The following SHROOM4 variants were observed in gnomAD, a reference collection of about 807,000 sequenced individuals.
The protein encoded by SHROOM4 is shroom family member 4.
Under a neutral mutation model 80.3 loss-of-function variants are expected in SHROOM4, and 17 were observed. The observed-to-expected ratio is 0.21, with a 90% CI of 0.14 to 0.32. SHROOM4 has a LOEUF of 0.32. Ranked by LOEUF, SHROOM4 falls within the 10% of genes least tolerant of loss-of-function variation. The pLI, the probability that SHROOM4 is intolerant of heterozygous loss-of-function variation, is 1.00. For synonymous variants in SHROOM4, 400 were observed against 437.5 expected (o/e 0.91, Z 1.07); for missense variants, 993 against 1,140.3 (o/e 0.87, Z 1.86).
intron 1 of SHROOM4, among the ~76,000 whole-genome samples, chrX:50,727,055 C>G (rs1371620522): frequency 8.8e-6 from 1 of 113,316 alleles, no homozygotes; most frequent in African/African-American, 3.2e-5. Context: ...GCCCCTCCTG[C>G]ATCACTATGC....
chrX:50,666,836 T>G (rs1932706803), intron 2 of SHROOM4, among the ~76,000 whole-genome samples: 2 of 110,602 alleles, frequency 1.8e-5, no homozygotes. Flanking sequence ...GCAGGTGATG[T>G]TCTACTCTTT....
At chrX:50,796,196 T>C (rs1235320355) in intron 1 of SHROOM4, among the ~76,000 whole-genome samples, 2 of 112,018 alleles carry the variant, frequency 1.8e-5, no homozygotes, top group Non-Finnish European at 3.8e-5. Context: ...TCTCCATCAA[T>C]GGAAGCATTC....
intron 1 of SHROOM4, among the ~76,000 whole-genome samples, chrX:50,741,743 G>A (rs1309486080): frequency 9.0e-6 from 1 of 110,620 alleles, no homozygotes; most frequent in Non-Finnish European, 1.9e-5. Context: ...GATTTTAATA[G>A]ATGCTCTTTA....
rs781981612 is a variant in SHROOM4, at chrX:50,634,484, G to A, written c.1589C>T (p.Ser530Phe). ...CGTGGCTTGTTGAACAAGGGAGCCA[G>A]AGGCAGAGGGTTGCTGGTTGGCCAA... ...SELANQQPSA[S>F]GSLVQQATDC... The change falls in exon 4 of 9, where the codon TCT becomes TTT. Residue 530 changes from serine to phenylalanine, a missense_variant. Physicochemically the swap from Ser to Phe is radical, Grantham distance 155. Transcript: ENST00000376020. 5 of 1,211,774 alleles carry A rather than the reference G, an allele frequency of 4.1e-6. No homozygotes were observed. In the Admixed American group the frequency reaches 8.7e-5, roughly 21 times the overall value.
At chrX:50,673,371 C>A (rs1297753520) in intron 2 of SHROOM4, among the ~76,000 whole-genome samples, 1 of 110,730 alleles carries the variant, frequency 9.0e-6, no homozygotes, top group Non-Finnish European at 1.9e-5. Context: ...TATCTAATAC[C>A]TATAGCAACC....
intron 1 of SHROOM4, among the ~76,000 whole-genome samples, chrX:50,714,454 T>G (rs12394931): frequency 0.03 from 3,350 of 111,612 alleles, 119 homozygotes; most frequent in African/African-American, 0.1. Context: ...ACAGAAATAA[T>G]AAATACTTAA....
At position 50,648,620 on chromosome X, in the gene SHROOM4, G is replaced by T. The variant is rs782245891; in HGVS notation, c.270-10312C>A. ...GTCAAAAGAAGGAGAGAGCACTGCTGCCTGAATCAAGAATGGCATCACAGA... is the reference window on the plus strand; with the variant it reads ...GTCAAAAGAAGGAGAGAGCACTGCTTCCTGAATCAAGAATGGCATCACAGA... On this transcript the variant is annotated intron_variant, in intron 2 of 8. Transcript: ENST00000376020. Among the ~76,000 whole-genome samples, 16 of 112,357 alleles carry T rather than the reference G, an allele frequency of 1.4e-4. No individual in the cohort carries two copies. In the South Asian group the frequency reaches 5.9e-3, roughly 42 times the overall value.
intron 2 of SHROOM4, among the ~76,000 whole-genome samples, chrX:50,662,943 G>A (rs1224495877): frequency 9.0e-6 from 1 of 111,272 alleles, no homozygotes; most frequent in Non-Finnish European, 1.9e-5. Context: ...AGAAAATAGA[G>A]CCAATGTCTA....
At position 50,642,251 on chromosome X, in the gene SHROOM4, T is replaced by C. The variant is rs530521262; in HGVS notation, c.270-3943A>G. Among the ~76,000 whole-genome samples the C allele has an allele frequency of 3.3e-4, 37 of 112,052 alleles. No individual in the cohort carries two copies. The South Asian group carries it at 0.013, about 39-fold the overall frequency. Reference sequence around the variant, plus strand: ...ATCTGCAAAATGGGGAAGATGACCATCTGTTTTTCATGAGTTATGTTTTGG... The same window carrying C: ...ATCTGCAAAATGGGGAAGATGACCACCTGTTTTTCATGAGTTATGTTTTGG... On this transcript the variant is annotated intron_variant, in intron 2 of 8. Coordinates refer to ENST00000376020, the MANE Select transcript of SHROOM4 (RefSeq NM_020717.5).
intron 2 of SHROOM4, among the ~76,000 whole-genome samples, chrX:50,686,439 G>A (rs909945522): frequency 4.5e-5 from 5 of 111,003 alleles, no homozygotes; most frequent in Non-Finnish European, 9.4e-5. Context: ...TTACCAAATG[G>A]CTACTCTGTT....
At chrX:50,762,551 T>C (rs1557268994) in intron 1 of SHROOM4, among the ~76,000 whole-genome samples, 2 of 112,427 alleles carry the variant, frequency 1.8e-5, no homozygotes, top group African/African-American at 6.5e-5. Context: ...CTGAATAACT[T>C]CCTTCGATAT....
intron 1 of SHROOM4, among the ~76,000 whole-genome samples, chrX:50,811,345 T>C (rs148323193): frequency 9.1e-6 from 1 of 109,469 alleles, no homozygotes; most frequent in African/African-American, 3.3e-5. Flanking sequence ...TAGATTGTCA[T>C]AGTATCATTT....
intron 2 of SHROOM4, among the ~76,000 whole-genome samples, chrX:50,684,071 T>A (rs1303653894): frequency 8.9e-6 from 1 of 112,210 alleles, no homozygotes; most frequent in African/African-American, 3.2e-5. Context: ...TGATGAGAAG[T>A]TGTACTGAGT....
chrX:50,723,716 C>G (rs1285136584), intron 1 of SHROOM4, among the ~76,000 whole-genome samples: 2 of 110,783 alleles, frequency 1.8e-5, no homozygotes, highest in Non-Finnish European at 3.8e-5. Context: ...CCGTCCCCTT[C>G]TTAATCAATA....
At chrX:50,751,395 C>T (rs1376780543) in intron 1 of SHROOM4, among the ~76,000 whole-genome samples, 1 of 112,346 alleles carries the variant, frequency 8.9e-6, no homozygotes, top group Non-Finnish European at 1.9e-5. Context: ...ACCAGTAGAA[C>T]TCAGACATAG....
chrX:50,762,753 G>A (rs1935187404), intron 1 of SHROOM4, among the ~76,000 whole-genome samples: 1 of 111,743 alleles, frequency 8.9e-6, no homozygotes, highest in African/African-American at 3.3e-5. Flanking sequence ...CTGATGAGAA[G>A]TCAGCTATTC....
At chrX:50,691,403 T>C (rs1205488636) in intron 2 of SHROOM4, among the ~76,000 whole-genome samples, 1 of 111,617 alleles carries the variant, frequency 9.0e-6, no homozygotes, top group Non-Finnish European at 1.9e-5. Flanking sequence ...GGAGAATGGA[T>C]TGATTAGGAA....
intron 1 of SHROOM4, among the ~76,000 whole-genome samples, chrX:50,703,843 G>A (rs925013229): frequency 1.8e-4 from 20 of 111,901 alleles, no homozygotes; most frequent in Middle Eastern, 4.7e-3. Context: ...TGTGAGAATG[G>A]ACTAATGCAG....
At chrX:50,777,501 T>C (rs1276348970) in intron 1 of SHROOM4, among the ~76,000 whole-genome samples, 2 of 111,962 alleles carry the variant, frequency 1.8e-5, no homozygotes, top group African/African-American at 3.2e-5. Context: ...AATTAAACTA[T>C]AATGCATTCA....
Sources: gnomAD v4.1 joint callset for allele counts (sites outside exome capture counted in the v4.1 genomes callset) on GRCh38, gnomAD v4.1.1 for gene constraint, MANE v1.5 for transcripts, NCBI Gene and HGNC (gene_info 2026-07-23, HGNC 2026-07-21) for gene names.